The following TIMD4 variants were observed in gnomAD, a reference collection of about 807,000 sequenced individuals.
TIMD4 encodes T-cell immunoglobulin and mucin domain-containing protein 4.
A neutral mutation model predicts 41.2 loss-of-function variants in TIMD4; 31 were observed. The observed-to-expected ratio is 0.75, with a 90% confidence interval of 0.57 to 1.01. The LOEUF (loss-of-function observed/expected upper bound fraction) is 1.01. Among genes scored for constraint, TIMD4 ranks in the 50% least tolerant of loss-of-function variants. The probability of loss-of-function intolerance (pLI) is 0.00; values close to 1 mark genes in which losing one functional copy is unlikely to be tolerated. For synonymous variants in TIMD4, 204 were observed against 177.1 expected, an observed-to-expected ratio of 1.15 and a Z score of -1.21; for missense variants, 479 against 472.5, an observed-to-expected ratio of 1.01 and a Z score of -0.13.
intron 5 of TIMD4, among the ~76,000 whole-genome samples, chr5:156,936,771 A>C (rs1759546818): frequency 6.6e-6 from 1 of 151,852 alleles, no homozygotes. Flanking sequence ...CAAAAAAAAA[A>C]AGAAAAAAAA....
chr5:156,948,584 A>C, intron 4 of TIMD4, 85 bp from the exon 5 acceptor site: 6 of 792,674 alleles, frequency 7.6e-6, no homozygotes, highest in Non-Finnish European at 1.1e-5. Context: ...CCCTATACTG[A>C]CTTCTGTCAT....
chr5:156,928,842 C>A (rs564643714), intron 5 of TIMD4, among the ~76,000 whole-genome samples: 1 of 152,148 alleles, frequency 6.6e-6, no homozygotes, highest in East Asian at 1.9e-4. Context: ...TTCAAAACTC[C>A]TACCCTTGTT....
chr5:156,940,664 G>C (rs1759630174), intron 5 of TIMD4, among the ~76,000 whole-genome samples: 1 of 151,792 alleles, frequency 6.6e-6, no homozygotes, highest in Non-Finnish European at 1.5e-5. Context: ...GGGAGGTGAG[G>C]AGCGCCTCTG....
chr5:156,926,872 T>C (rs887210173), intron 5 of TIMD4, among the ~76,000 whole-genome samples: 4 of 152,208 alleles, frequency 2.6e-5, no homozygotes, highest in African/African-American at 9.6e-5. Context: ...GAAAACTTCC[T>C]TGAGAATGGG....
Position 156,919,545 on chromosome 5 carries a change from T to C in TIMD4, c.1053-4A>G, listed in dbSNP as rs755976108. 6.8e-6 allele frequency: 11 copies of C among 1,612,670 alleles called. No homozygotes were observed. In the Admixed American group the frequency reaches 1.0e-4, roughly 15 times the overall value. On this transcript the variant is annotated splice_polypyrimidine_tract_variant and splice_region_variant and intron_variant, in intron 8 of 8. Coordinates refer to ENST00000274532, the MANE Select transcript of TIMD4 (RefSeq NM_138379.3). ...ACTATCTCCAATGTAGTCTAGCCTGTAAACAGAAAAGAGGGGCTCATAATG... is the reference window on the plus strand; with the variant it reads ...ACTATCTCCAATGTAGTCTAGCCTGCAAACAGAAAAGAGGGGCTCATAATG...
At chr5:156,942,359 T>C (rs13358710) in intron 5 of TIMD4, among the ~76,000 whole-genome samples, 3,742 of 152,324 alleles carry the variant, frequency 0.025, 92 homozygotes, top group African/African-American at 0.063. Context: ...GCCTTAGCTC[T>C]CTTCCTAACT....
chr5:156,963,151 C>T lies in TIMD4; in HGVS notation c.48G>A (p.Trp16Ter). The part of the protein sequence containing the change: ...LILWLMIEFW[W>*]LYLTPVTSET... ...TTTCAGAACACTTACTCAGGTAAAG[C>T]CACCAAAACTCAATCATCAGCCAGA... The change falls in exon 1 of 9, where the codon TGG becomes TGA. Residue 16 changes from tryptophan (W) to a stop codon, truncating the protein, a stop_gained. Transcript: ENST00000274532. LOFTEE classifies it high-confidence loss of function. 6.2e-7 allele frequency: 1 copy of T among 1,614,080 alleles called. No homozygotes were observed. Among genetic ancestry groups the T allele is most frequent in the Non-Finnish European group, 8.5e-7 (1 of 1,179,964 alleles).
intron 7 of TIMD4, 91 bp downstream of exon 7, chr5:156,922,008 G>T: frequency 1.1e-6 from 1 of 952,182 alleles, no homozygotes; most frequent in Non-Finnish European, 1.6e-6. Flanking sequence ...CTTTGGGGAG[G>T]GATAAAGGGG....
intron 3 of TIMD4, 23 bp from the exon 4 acceptor site, chr5:156,949,754 A>C: frequency 6.6e-7 from 1 of 1,508,826 alleles, no homozygotes; most frequent in Non-Finnish European, 9.2e-7. Context: ...AAAGTTGGAT[A>C]AAAGGCAGCT....
intron 5 of TIMD4, among the ~76,000 whole-genome samples, chr5:156,935,968 G>A (rs532914076): frequency 4.6e-5 from 7 of 152,308 alleles, no homozygotes; most frequent in Middle Eastern, 3.4e-3. Context: ...GACCAGGCAC[G>A]GTAGCTCATG....
intron 8 of TIMD4, among the ~76,000 whole-genome samples, 188 bp from the exon 9 acceptor site, chr5:156,919,729 A>T (rs781302298): frequency 6.6e-6 from 1 of 152,252 alleles, no homozygotes; most frequent in Non-Finnish European, 1.5e-5. Flanking sequence ...CTGCCAATCC[A>T]TTATAATGAG....
intron 5 of TIMD4, among the ~76,000 whole-genome samples, chr5:156,944,074 G>T (rs866408693): frequency 1.0e-4 from 15 of 143,740 alleles, no homozygotes; most frequent in African/African-American, 3.3e-4. Context: ...AAAAAAAAAA[G>T]AAATAAAGAA....
chr5:156,925,363 C>T (rs895586061), intron 6 of TIMD4, among the ~76,000 whole-genome samples: 1 of 152,156 alleles, frequency 6.6e-6, no homozygotes, highest in Non-Finnish European at 1.5e-5. Context: ...CTTGCTGGGG[C>T]TATGCCATCT....
intron 5 of TIMD4, among the ~76,000 whole-genome samples, chr5:156,943,717 C>G (rs1200623571): frequency 6.6e-6 from 1 of 152,004 alleles, no homozygotes. Context: ...TTGGGAGAAA[C>G]TGGGGGCCAT....
chr5:156,935,453 A>G (rs1171136382), intron 5 of TIMD4: 1 of 152,232 alleles, frequency 6.6e-6, no homozygotes, highest in African/African-American at 2.4e-5. Flanking sequence ...AAATGAATAT[A>G]TACACTGAAA....
Position 156,919,419 on chromosome 5 carries a change from T to C in TIMD4, c.*38A>G. ...TAAGACTTATTTTGACACTGGAGTG[T>C]CATGCCCCCATCCTCAATCTAACAT... On this transcript the variant is annotated 3_prime_UTR_variant, in exon 9 of 9. Coordinates refer to ENST00000274532, the MANE Select transcript of TIMD4 (RefSeq NM_138379.3). 1 of 1,562,110 alleles carries C rather than the reference T, an allele frequency of 6.4e-7. No individual in the cohort carries two copies. Among genetic ancestry groups the C allele is most frequent in the Non-Finnish European group, 8.8e-7 (1 of 1,133,856 alleles).
chr5:156,959,553 G>A (rs1760041090), intron 1 of TIMD4, among the ~76,000 whole-genome samples: 1 of 152,182 alleles, frequency 6.6e-6, no homozygotes, highest in African/African-American at 2.4e-5. Flanking sequence ...ACCTGGAATG[G>A]TGGATACAAC....
chr5:156,931,694 C>A (rs1027436149), intron 5 of TIMD4, among the ~76,000 whole-genome samples: 1 of 152,170 alleles, frequency 6.6e-6, no homozygotes, highest in South Asian at 2.1e-4. Flanking sequence ...GGCATGGGCA[C>A]TCTGGTAAAA....
In TIMD4 at chr5:156,920,781, A is replaced by C. The variant is rs1581604658; in HGVS notation, c.1013-278T>G. Among the ~76,000 whole-genome samples, 3 of 152,282 alleles carry C rather than the reference A, an allele frequency of 2.0e-5. No individual in the cohort carries two copies. The East Asian group carries it at 5.8e-4, about 29-fold the overall frequency. ...TCATCTGCCTATCCAGAATTCAAGC[A>C]CTCACTTGGGTTTCAAAACACTTCT... On this transcript the variant is annotated intron_variant, in intron 7 of 8. Transcript: ENST00000274532.
Sources: allele counts gnomAD v4.1 joint callset (sites outside exome capture counted in the v4.1 genomes callset), GRCh38; gene constraint gnomAD v4.1.1; transcripts MANE v1.5; gene names NCBI Gene and HGNC (gene_info 2026-07-23, HGNC 2026-07-21).